STOX2: variants seen among roughly 807,000 people sequenced by gnomAD.
The protein encoded by STOX2 is storkhead box 2.
STOX2 carries 28 observed loss-of-function variants against 60.9 expected under a neutral mutation model. The observed-to-expected ratio is 0.46, with a 90% confidence interval of 0.34 to 0.63. The LOEUF (loss-of-function observed/expected upper bound fraction) is 0.63. STOX2 is among the 30% of genes least tolerant of loss of function. The pLI is 0.01. For missense variants in STOX2, 1,024 were observed against 1,187.7 expected (o/e 0.86, Z 2.03); for synonymous variants, 472 against 463.9 (o/e 1.02, Z -0.22).
intron 1 of STOX2, among the ~76,000 whole-genome samples, chr4:183,938,302 A>G (rs1742644192): frequency 6.6e-6 from 1 of 152,252 alleles, no homozygotes; most frequent in Admixed American, 6.5e-5. Context: ...ATTCCCTGCG[A>G]ATAGCATTGC....
intron 3 of STOX2, chr4:184,016,060 CT>C (rs1254301613): frequency 6.6e-6 from 1 of 152,174 alleles, no homozygotes; most frequent in Non-Finnish European, 1.5e-5. Flanking sequence ...TTTAAATCAC[CT>C]GTATTCTATA....
At chr4:183,852,364 T>C (rs1296286106) in intron 1 of STOX2, among the ~76,000 whole-genome samples, 8 of 90,688 alleles carry the variant, frequency 8.8e-5, no homozygotes, top group African/African-American at 4.3e-4. Flanking sequence ...AGAGAAACGA[T>C]GAGGGAAAGG....
In STOX2 at chr4:183,825,355, T is replaced by A. The variant is rs1433391667; in HGVS notation, c.364+27300T>A. ...CCCAAGCAGTAGGTTGGGAGGAAGGTGGGCCGGGAGCGGTCAGCCTTCACA... is the reference window on the plus strand; with the variant it reads ...CCCAAGCAGTAGGTTGGGAGGAAGGAGGGCCGGGAGCGGTCAGCCTTCACA... On this transcript the variant is annotated intron_variant, in intron 1 of 2. Coordinates refer to the STOX2 transcript ENST00000513034. This position sits in a 1 kb window ranked among gnomAD's most constrained non-coding sequence, Gnocchi z 4.1. Among the ~76,000 whole-genome samples the A allele has an allele frequency of 6.6e-6, 1 of 152,026 alleles. No homozygotes were observed. The highest frequency in any genetic ancestry group is 1.5e-5 in the Non-Finnish European group (1 of 67,982).
Position 184,011,433 on chromosome 4 carries a change from G to A in STOX2, c.2585+10G>A. The A allele has an allele frequency of 5.0e-6, 8 of 1,606,164 alleles. No individual in the cohort carries two copies. Among genetic ancestry groups the A allele is most frequent in the Non-Finnish European group, 6.8e-6 (8 of 1,175,992 alleles). On this transcript the variant is annotated intron_variant, in intron 3 of 3. Transcript: ENST00000308497. The surrounding 1 kb of genome is among the most constrained non-coding windows in gnomAD (Gnocchi z 4.4). ...GATTCAACTCCCCACGGTAGGGAGAGGTGTCTCTGTGCACACACATGCGCC... is the reference window on the plus strand; with the variant it reads ...GATTCAACTCCCCACGGTAGGGAGAAGTGTCTCTGTGCACACACATGCGCC...
In STOX2 at chr4:183,836,764, C is replaced by T. The variant is rs1316283049; in HGVS notation, c.364+38709C>T. ...GTGAAAAAGCAGGGATACTATTAGA[C>T]ACTCTGATATTGGAAATCTCCTAGT... On this transcript the variant is annotated intron_variant, in intron 1 of 2. Transcript: ENST00000513034. This position sits in a 1 kb window ranked among gnomAD's most constrained non-coding sequence, Gnocchi z 4.1. 6.6e-6 allele frequency among the ~76,000 whole-genome samples: 1 copy of T among 152,224 alleles called. No individual in the cohort carries two copies.
intron 1 of STOX2, among the ~76,000 whole-genome samples, chr4:183,864,171 C>T (rs771717082): frequency 1.3e-5 from 2 of 152,142 alleles, no homozygotes; most frequent in Non-Finnish European, 2.9e-5. Context: ...AGGCTGTTTA[C>T]TGCAGGACTT....
intron 1 of STOX2, among the ~76,000 whole-genome samples, chr4:183,952,532 T>C (rs1277744794): frequency 6.6e-6 from 1 of 152,212 alleles, no homozygotes; most frequent in Non-Finnish European, 1.5e-5. Context: ...TTAAAAATTG[T>C]CCAAATAATT....
At chr4:183,896,950 G>T (rs777164885) in intron 1 of STOX2, among the ~76,000 whole-genome samples, 47 of 152,160 alleles carry the variant, frequency 3.1e-4, no homozygotes, top group Non-Finnish European at 5.9e-4. Flanking sequence ...TCATTTGGGG[G>T]TTAGTTAAAT....
At position 184,021,518 on chromosome 4, in the gene STOX2, G is replaced by T. The variant is rs1003804772; in HGVS notation, c.*4234G>T. The T allele has an allele frequency of 6.6e-6, 1 of 152,034 alleles. No homozygotes were observed. Among genetic ancestry groups the T allele is most frequent in the Non-Finnish European group, 1.5e-5 (1 of 68,012 alleles). 9.4% of individuals were successfully genotyped at this position (152,034 alleles called of 1,614,324 possible). ...TTACTGGTATCAATGGATAAAGCGGGTGATTGACAGATCCACCCAAATGCC... is the reference window on the plus strand; with the variant it reads ...TTACTGGTATCAATGGATAAAGCGGTTGATTGACAGATCCACCCAAATGCC... On this transcript the variant is annotated 3_prime_UTR_variant, in exon 4 of 4. Coordinates refer to ENST00000308497, the MANE Select transcript of STOX2 (RefSeq NM_020225.3).
chr4:183,802,540 A>G (rs1738788886), intron 1 of STOX2, among the ~76,000 whole-genome samples: 1 of 149,252 alleles, frequency 6.7e-6, no homozygotes, highest in Admixed American at 6.7e-5. Flanking sequence ...AGCCTGGCTA[A>G]TTTTTAACTT....
At chr4:183,964,262 G>A (rs1256641804) in intron 1 of STOX2, among the ~76,000 whole-genome samples, 4 of 152,190 alleles carry the variant, frequency 2.6e-5, no homozygotes, top group African/African-American at 7.2e-5. Flanking sequence ...CAAATGTTAT[G>A]TTGAGAAAGG....
Position 184,002,838 on chromosome 4 carries a change from G to A in STOX2, c.319+1361G>A, listed in dbSNP as rs373391722. 3.3e-4 allele frequency among the ~76,000 whole-genome samples: 51 copies of A among 152,250 alleles called. 2 individuals are homozygous for A. The highest frequency in any genetic ancestry group is 1.2e-3 in the African/African-American group (51 of 41,546). ...TCTCCCTGCTTCTCCTTTTGTCCCC[G>A]AGGAACGTTTTCTCCTTCTCCTTGT... On this transcript the variant is annotated intron_variant, in intron 2 of 3. Transcript: ENST00000308497.
chr4:183,954,951 C>A (rs1178547224), intron 1 of STOX2, among the ~76,000 whole-genome samples: 2 of 151,140 alleles, frequency 1.3e-5, no homozygotes, highest in Non-Finnish European at 3.0e-5. Context: ...GTTGGCCAGA[C>A]TGGCCTCCCA....
chr4:183,845,043 T>G (rs948321853), intron 1 of STOX2, among the ~76,000 whole-genome samples: 2 of 152,258 alleles, frequency 1.3e-5, no homozygotes, highest in African/African-American at 2.4e-5. Flanking sequence ...GCACAGTTCC[T>G]TAGATTCCCA....
At position 183,906,602 on chromosome 4, in the gene STOX2, G is replaced by A. The variant is rs759281183; in HGVS notation, c.-189G>A. On this transcript the variant is annotated 5_prime_UTR_variant, in exon 1 of 4. Coordinates refer to ENST00000308497, the MANE Select transcript of STOX2 (RefSeq NM_020225.3). ...GGACGTGTGTAAAATCGGAGCCTTC[G>A]CCGTGGGGGTGTGGGGGGGCGTGGG... 180 of 579,114 alleles carry A rather than the reference G, an allele frequency of 3.1e-4. No homozygotes were observed. The highest frequency in any genetic ancestry group is 4.7e-4 in the Non-Finnish European group (159 of 335,448). 35.9% of individuals were successfully genotyped at this position (579,114 alleles called of 1,614,324 possible).
intron 1 of STOX2, among the ~76,000 whole-genome samples, chr4:183,935,375 C>T (rs1283307058): frequency 6.6e-6 from 1 of 152,222 alleles, no homozygotes; most frequent in Non-Finnish European, 1.5e-5. Flanking sequence ...ACTGGAAGAT[C>T]GTATTTAGGT....
chr4:183,952,792 C>T (rs753853322), intron 1 of STOX2, among the ~76,000 whole-genome samples: 9 of 152,188 alleles, frequency 5.9e-5, no homozygotes, highest in Non-Finnish European at 1.0e-4. Flanking sequence ...TACATATGCT[C>T]ATGAGTGGTG....
intron 1 of STOX2, among the ~76,000 whole-genome samples, chr4:183,971,439 A>T (rs1380795381): frequency 6.6e-6 from 1 of 152,204 alleles, no homozygotes; most frequent in African/African-American, 2.4e-5. Context: ...CCTAACACTG[A>T]TGACAAAGCT....
At chr4:183,963,040 A>C (rs530719012) in intron 1 of STOX2, among the ~76,000 whole-genome samples, 2 of 152,268 alleles carry the variant, frequency 1.3e-5, no homozygotes, top group South Asian at 4.1e-4. Flanking sequence ...AATCAGACAA[A>C]ATCTTAATTC....
Sources: gnomAD v4.1 joint callset for allele counts (sites outside exome capture counted in the v4.1 genomes callset) on GRCh38, gnomAD v4.1.1 for gene constraint, Gnocchi (gnomAD v3.1) non-coding constraint, MANE v1.5 for transcripts, NCBI Gene and HGNC (gene_info 2026-07-23, HGNC 2026-07-21) for gene names.